Variants in CEP152 observed in about 807,000 individuals in gnomAD.
The protein encoded by CEP152 is centrosomal protein 152, also known as centrosomal protein of 152 kDa.
CEP152 carries 132 observed loss-of-function variants against 188.9 expected under a neutral mutation model. That is an observed-to-expected ratio of 0.70 (90% CI 0.61 to 0.81). The LOEUF (loss-of-function observed/expected upper bound fraction) is 0.81. CEP152 is among the 30% of genes least tolerant of loss of function. The pLI is 0.00. For synonymous variants in CEP152, 649 were observed against 666.6 expected, an observed-to-expected ratio of 0.97 and a Z score of 0.41; for missense variants, 1,914 against 1,969.8, an observed-to-expected ratio of 0.97 and a Z score of 0.54.
chr15:48,772,493 C>T lies in CEP152; in HGVS notation c.1776G>A (p.Glu592=). ...HQVKKDEKSI[E]VETKTDTSEK... is the part of the protein sequence containing the mutation. ...CTCTATAGGCTTTACATACCTCAAC[C>T]TCAATGCTTTTTTCATCCTTCTTCA... is the stretch of plus-strand genomic sequence containing the variant. Residue 592 remains glutamate (E), a synonymous_variant, in exon 13 of 27, where the codon GAG becomes GAA. Transcript: ENST00000380950. 6.2e-7 allele frequency: 1 copy of T among 1,611,876 alleles called. No individual in the cohort carries two copies. The highest frequency in any genetic ancestry group is 1.1e-5 in the South Asian group (1 of 91,060).
rs1247752403 is a variant in CEP152 at position 48,767,375 on chromosome 15, G to C, written c.2107C>G (p.Gln703Glu). 2 of 1,614,148 alleles carry C rather than the reference G, an allele frequency of 1.2e-6. No homozygotes were observed. The highest frequency in any genetic ancestry group is 1.3e-5 in the African/African-American group (1 of 75,054). The change falls in exon 16 of 27, where the codon CAG (glutamine) becomes GAG (glutamate). Residue 703 changes from glutamine to glutamate, a missense_variant. By Grantham distance (29) the Gln-to-Glu change is conservative. Coordinates refer to ENST00000380950, the MANE Select transcript of CEP152 (RefSeq NM_001194998.2). ...LLAKHALEKQ[Q>E]LFEAYERTHL... ...GTTCTCTCATAAGCCTCAAAGAGCT[G>C]CTGCTTCTCCAAAGCATGCTTTGCT...
In CEP152 at chr15:48,797,989, C is replaced by A. The variant is rs774317583; in HGVS notation, c.150G>T (p.Glu50Asp). 2.5e-6 allele frequency: 4 copies of A among 1,614,080 alleles called. No homozygotes were observed. In the East Asian group the frequency reaches 8.9e-5, roughly 36 times the overall value. ...DMLDDDLSSP[E>D]LQYSDCSEDG... ...CCTCGCTGCAGTCCGAATACTGGAG[C>A]TCTGGAGAGGAGAGGTCGTCATCCA... Residue 50 changes from glutamate (E) to aspartate (D), a missense_variant, in exon 3 of 27, where the codon GAG (glutamate) becomes GAT (aspartate). Glu to Asp is a conservative substitution (Grantham distance 45). Transcript: ENST00000380950.
intron 13 of CEP152, among the ~76,000 whole-genome samples, chr15:48,772,129 G>A (rs1334823934): frequency 6.6e-6 from 1 of 152,168 alleles, no homozygotes; most frequent in Non-Finnish European, 1.5e-5. Flanking sequence ...ACATGTAAAA[G>A]GGCTGGATGT....
Position 48,788,974 on chromosome 15 carries a change from T to G in CEP152, c.1000A>C (p.Met334Leu). The G allele has an allele frequency of 6.2e-7, 1 of 1,614,192 alleles. No individual in the cohort carries two copies. ...QMIKKSRTTE[M>L]ALESLKQQLV... ...TGCTGCTTCAAGCTTTCCAGAGCCA[T>G]TTCAGTTGTTCTGGACTTCTTGATC... Residue 334 changes from methionine (M) to leucine (L), a missense_variant, in exon 9 of 27, where the codon ATG (methionine) becomes CTG (leucine). By Grantham distance (15) the Met-to-Leu change is conservative (BLOSUM62 2). Coordinates refer to ENST00000380950, the MANE Select transcript of CEP152 (RefSeq NM_001194998.2).
chr15:48,756,626 A>C, intron 19 of CEP152, 73 bp from the exon 20 acceptor site: 1 of 1,439,766 alleles, frequency 6.9e-7, no homozygotes, highest in South Asian at 1.2e-5. Flanking sequence ...TAAGGTAACT[A>C]TTTTGGTTAA....
intron 14 of CEP152, among the ~76,000 whole-genome samples, chr15:48,768,616 G>T (rs769209509): frequency 1.9e-4 from 29 of 152,198 alleles, no homozygotes; most frequent in Admixed American, 7.9e-4. Flanking sequence ...TTGGCTAGCT[G>T]ATGCCTTAAA....
intron 21 of CEP152, among the ~76,000 whole-genome samples, chr15:48,750,221 G>A (rs1014122770): frequency 5.3e-5 from 8 of 151,982 alleles, no homozygotes; most frequent in African/African-American, 1.9e-4. Context: ...TTTAGAAGAC[G>A]TAAATATATA....
Position 48,738,355 on chromosome 15 carries a change from C to T in CEP152, c.5027G>A (p.Ser1676Asn). The change falls in exon 27 of 27, where the codon AGT (serine) becomes AAT (asparagine). Residue 1676 changes from serine to asparagine, a missense_variant. Transcript: ENST00000380950. ...CTGACACACTGAAGATGGTAATGTACTGCTCAGTTTTTTGAAATCTGACTT... is the reference window on the plus strand; with the variant it reads ...CTGACACACTGAAGATGGTAATGTATTGCTCAGTTTTTTGAAATCTGACTT... ...RLKSDFKKLS[S>N]TLPSSVCQQP... 6.2e-7 allele frequency: 1 copy of T among 1,614,172 alleles called. No individual in the cohort carries two copies. Among genetic ancestry groups the T allele is most frequent in the Non-Finnish European group, 8.5e-7 (1 of 1,180,018 alleles).
At chr15:48,809,142 A>G (rs1288522692) in intron 1 of CEP152, among the ~76,000 whole-genome samples, 2 of 152,252 alleles carry the variant, frequency 1.3e-5, no homozygotes, top group Non-Finnish European at 2.9e-5. Flanking sequence ...TGCTTCATCT[A>G]ATAAACTATA....
intron 2 of CEP152, among the ~76,000 whole-genome samples, chr15:48,801,284 C>T (rs535305528): frequency 6.6e-6 from 1 of 152,278 alleles, no homozygotes; most frequent in South Asian, 2.1e-4. Context: ...TATCAAAATG[C>T]TTCCGCAATT....
downstream of CEP152, among the ~76,000 whole-genome samples, chr15:48,733,308 C>G (rs1422426499): frequency 6.6e-6 from 1 of 152,078 alleles, no homozygotes; most frequent in Non-Finnish European, 1.5e-5. Flanking sequence ...CAAAATATGT[C>G]TATCCCCAAA....
intron 19 of CEP152, among the ~76,000 whole-genome samples, chr15:48,759,760 T>G (rs1017203139): frequency 3.9e-5 from 6 of 152,180 alleles, no homozygotes; most frequent in Admixed American, 6.5e-5. Context: ...AAAGGAGAAC[T>G]GGCTATTTAC....
chr15:48,771,336 G>C (rs556068621), intron 13 of CEP152, among the ~76,000 whole-genome samples: 2 of 152,306 alleles, frequency 1.3e-5, no homozygotes, highest in East Asian at 3.9e-4. Context: ...GGATTTCAAT[G>C]ACTGACAAAA....
At chr15:48,772,774 G>A in intron 12 of CEP152, 83 bp from the exon 13 acceptor site, 1 of 1,185,246 alleles carries the variant, frequency 8.4e-7, no homozygotes, top group Non-Finnish European at 1.2e-6. Flanking sequence ...GACCACAGTG[G>A]TGAACATGTT....
chr15:48,746,060 C>A (rs551239078), intron 22 of CEP152, among the ~76,000 whole-genome samples: 17 of 152,142 alleles, frequency 1.1e-4, no homozygotes, highest in African/African-American at 4.1e-4. Context: ...CTCACTCCCA[C>A]CCCATCTATT....
intron 26 of CEP152, chr15:48,741,044 T>G: frequency 1.0e-6 from 1 of 990,244 alleles, no homozygotes. Context: ...CTCCCGGTGG[T>G]TTTGAACTGA....
chr15:48,756,678 C>A, intron 19 of CEP152, 125 bp from the exon 20 acceptor site: 1 of 876,770 alleles, frequency 1.1e-6, no homozygotes. Context: ...TAAAAGGAAA[C>A]ATGATTTTAG....
intron 22 of CEP152, among the ~76,000 whole-genome samples, chr15:48,745,654 G>C (rs930346666): frequency 2.0e-5 from 3 of 151,964 alleles, no homozygotes; most frequent in Non-Finnish European, 4.4e-5. Flanking sequence ...GGTGGGGAGA[G>C]TTACAAAGAA....
At chr15:48,803,824 AT>A (rs959834536) in intron 2 of CEP152, among the ~76,000 whole-genome samples, 15 of 152,184 alleles carry the variant, frequency 9.9e-5, no homozygotes, top group Admixed American at 5.2e-4. Flanking sequence ...CTGTCAAAAT[AT>A]TTTTTCTTCT....
Sources: gnomAD v4.1 joint callset for allele counts (sites outside exome capture counted in the v4.1 genomes callset) on GRCh38, gnomAD v4.1.1 for gene constraint, MANE v1.5 for transcripts, NCBI Gene and HGNC (gene_info 2026-07-23, HGNC 2026-07-21) for gene names.